KATNIP: variants seen among roughly 807,000 people sequenced by gnomAD.
The protein encoded by KATNIP is katanin interacting protein, also known as katanin-interacting protein.
A neutral mutation model predicts 174.0 loss-of-function variants in KATNIP; 126 were observed. The ratio of observed to expected loss-of-function variants is 0.72; its 90% CI spans 0.63 to 0.84. The LOEUF (loss-of-function observed/expected upper bound fraction) is 0.84. Among genes scored for constraint, KATNIP ranks in the 40% least tolerant of loss-of-function variants. KATNIP has a pLI of 0.00. For synonymous variants in KATNIP, 810 were observed against 835.7 expected (o/e 0.97, Z 0.53); for missense variants, 1,958 against 2,109.7 (o/e 0.93, Z 1.41).
At position 27,732,196 on chromosome 16, in the gene KATNIP, A is replaced by G. The variant is rs1472668343; in HGVS notation, c.1744-7845A>G. ...TAATCAGATCCCATCCACGTTTGTC[A>G]TCCTGAGTCTGTGATGCTGGGTGGG... On this transcript the variant is annotated intron_variant, in intron 14 of 27. Coordinates refer to ENST00000261588, the MANE Select transcript of KATNIP (RefSeq NM_015202.5). Among the ~76,000 whole-genome samples the G allele has an allele frequency of 2.0e-5, 3 of 152,220 alleles. No individual in the cohort carries two copies. The East Asian group carries it at 5.8e-4, about 29-fold the overall frequency.
At chr16:27,746,664 A>C (rs1354391876) in intron 15 of KATNIP, among the ~76,000 whole-genome samples, 2 of 152,228 alleles carry the variant, frequency 1.3e-5, no homozygotes, top group Non-Finnish European at 1.5e-5. Flanking sequence ...GGTGACAAGC[A>C]AAGCCAGCTA....
intron 2 of KATNIP, among the ~76,000 whole-genome samples, chr16:27,583,762 C>G (rs2090782592): frequency 6.6e-6 from 1 of 152,176 alleles, no homozygotes; most frequent in Non-Finnish European, 1.5e-5. Context: ...CTTAAACCAG[C>G]TTCTGCAAAA....
At chr16:27,773,047 A>G (rs2082364698) in intron 22 of KATNIP, 52 bp from the exon 23 acceptor site, 1 of 1,020,658 alleles carries the variant, frequency 9.8e-7, no homozygotes, top group Non-Finnish European at 1.5e-6. Context: ...TTGTTTTACT[A>G]TATTCTGAAA....
At chr16:27,771,688 G>A in intron 22 of KATNIP, 36 bp downstream of exon 22, 1 of 1,606,968 alleles carries the variant, frequency 6.2e-7, no homozygotes, top group South Asian at 1.1e-5. Context: ...GCACATTCTG[G>A]GCCCCGAGGC....
At chr16:27,734,089 A>T (rs75058883) in intron 14 of KATNIP, among the ~76,000 whole-genome samples, 1 of 151,350 alleles carries the variant, frequency 6.6e-6, no homozygotes, top group East Asian at 1.9e-4. Flanking sequence ...TATTATTATT[A>T]TTTTCTTTTT....
Position 27,566,025 on chromosome 16 carries a change from T to G in KATNIP, c.8-7876T>G, listed in dbSNP as rs534569752. ...TTCTGTATGGAAACCAGCAGCTGTT[T>G]TTTTTTTTTTTTTTTAAGAGATGGA... On this transcript the variant is annotated intron_variant, in intron 1 of 27. Coordinates refer to ENST00000261588, the MANE Select transcript of KATNIP (RefSeq NM_015202.5). 1.3e-4 allele frequency among the ~76,000 whole-genome samples: 20 copies of G among 150,234 alleles called. No homozygotes were observed. The South Asian group carries it at 3.6e-3, about 27-fold the overall frequency.
chr16:27,695,506 C>G (rs147254576), intron 8 of KATNIP, among the ~76,000 whole-genome samples: 16 of 152,310 alleles, frequency 1.1e-4, no homozygotes, highest in African/African-American at 3.8e-4. Context: ...CCCTGATATC[C>G]ACACTCCAGA....
In KATNIP at chr16:27,703,997, A is replaced by G; in HGVS notation, c.1388A>G (p.Glu463Gly). Residue 463 changes from glutamate (E) to glycine (G), a missense_variant and splice_region_variant, in exon 12 of 28, where the codon GAG (glutamate) becomes GGG (glycine). By Grantham distance (98) the Glu-to-Gly change is moderately conservative. This residue lies in a region of KATNIP where 1,557 missense variants were observed against 1,617.8 expected (regional missense o/e 0.96). Coordinates refer to ENST00000261588, the MANE Select transcript of KATNIP (RefSeq NM_015202.5). Reference sequence around the variant, plus strand: ...ACCAAGGAGCAAGTATCAGACACAGAGGTGAGAGCCTTGACTTGATTTTCA... The same window carrying G: ...ACCAAGGAGCAAGTATCAGACACAGGGGTGAGAGCCTTGACTTGATTTTCA... The part of the protein sequence containing the change: ...SPTKEQVSDT[E>G]DKQRMRADEI... 1 of 1,612,500 alleles carries G rather than the reference A, an allele frequency of 6.2e-7. No homozygotes were observed. Among genetic ancestry groups the G allele is most frequent in the Non-Finnish European group, 8.5e-7 (1 of 1,178,554 alleles).
chr16:27,596,248 G>C (rs2075331490), intron 2 of KATNIP, among the ~76,000 whole-genome samples: 1 of 152,126 alleles, frequency 6.6e-6, no homozygotes, highest in Non-Finnish European at 1.5e-5. Flanking sequence ...GCTGAGAAGG[G>C]GCCTGATCCT....
chr16:27,714,212 A>C (rs1290400603), intron 13 of KATNIP, among the ~76,000 whole-genome samples: 1 of 151,670 alleles, frequency 6.6e-6, no homozygotes, highest in African/African-American at 2.4e-5. Flanking sequence ...CCCAGTCACT[A>C]TCACATCATC....
intron 10 of KATNIP, 104 bp downstream of exon 10, chr16:27,699,703 C>A (rs2079032927): frequency 6.0e-6 from 9 of 1,495,828 alleles, no homozygotes; most frequent in Non-Finnish European, 8.2e-6. Context: ...GTGCATAGCA[C>A]CTGATGGCCT....
At chr16:27,623,596 C>A (rs1358126097) in intron 3 of KATNIP, among the ~76,000 whole-genome samples, 1 of 152,084 alleles carries the variant, frequency 6.6e-6, no homozygotes, top group Non-Finnish European at 1.5e-5. Flanking sequence ...AGTAGCTGGG[C>A]CTACATGTGC....
At chr16:27,678,652 C>T (rs1436092365) in intron 7 of KATNIP, among the ~76,000 whole-genome samples, 8 of 152,184 alleles carry the variant, frequency 5.3e-5, no homozygotes, top group South Asian at 2.1e-4. Flanking sequence ...CCAACCCACA[C>T]GGGGTCACAT....
intron 8 of KATNIP, among the ~76,000 whole-genome samples, chr16:27,697,938 G>A (rs762486011): frequency 8.6e-5 from 13 of 151,996 alleles, no homozygotes; most frequent in East Asian, 1.9e-4. Flanking sequence ...CCTTTACCCC[G>A]AACACTGCTA....
At chr16:27,700,223 T>A (rs1567316586) in intron 10 of KATNIP, among the ~76,000 whole-genome samples, 2 of 152,248 alleles carry the variant, frequency 1.3e-5, no homozygotes, top group Non-Finnish European at 2.9e-5. Flanking sequence ...ATATTTCTAT[T>A]TATTGACAAG....
intron 14 of KATNIP, among the ~76,000 whole-genome samples, chr16:27,726,356 G>A (rs1239613769): frequency 6.6e-6 from 1 of 152,182 alleles, no homozygotes; most frequent in Non-Finnish European, 1.5e-5. Flanking sequence ...TTTCTGTGAT[G>A]GTAGACATGT....
chr16:27,575,370 C>T lies in KATNIP; in HGVS notation c.63+1414C>T, dbSNP rs577246676. 3.3e-5 allele frequency among the ~76,000 whole-genome samples: 5 copies of T among 152,248 alleles called. No homozygotes were observed. In the South Asian group the frequency reaches 1.0e-3, roughly 32 times the overall value. ...TGGTAGCAAGGAGCCATAGGTTACT[C>T]CAGGGCCCTTTGATCATGTCCCAGG... On this transcript the variant is annotated intron_variant, in intron 2 of 27. Transcript: ENST00000261588.
At chr16:27,557,488 A>G (rs747269816) in intron 1 of KATNIP, among the ~76,000 whole-genome samples, 2 of 148,146 alleles carry the variant, frequency 1.4e-5, no homozygotes, top group Non-Finnish European at 3.0e-5. Context: ...CTGGAGTGCA[A>G]TGGTGAGATA....
chr16:27,645,250 C>G (rs1206725682), intron 5 of KATNIP, among the ~76,000 whole-genome samples: 2 of 152,204 alleles, frequency 1.3e-5, no homozygotes, highest in African/African-American at 4.8e-5. Flanking sequence ...TGCCAAAGCC[C>G]CAGCCGAGGG....
Sources: allele counts gnomAD v4.1 joint callset (sites outside exome capture counted in the v4.1 genomes callset), GRCh38; gene constraint gnomAD v4.1.1; regional missense constraint gnomAD v4.1.1; transcripts MANE v1.5; gene names NCBI Gene and HGNC (gene_info 2026-07-23, HGNC 2026-07-21).